ORMDL2: variants seen among roughly 807,000 people sequenced by gnomAD.
The protein encoded by ORMDL2 is ORM1-like protein 2.
In ORMDL2, 11 loss-of-function variants were observed where a neutral mutation model predicts 13.5. That is an observed-to-expected ratio of 0.82 (90% CI 0.51 to 1.35). The LOEUF (loss-of-function observed/expected upper bound fraction) is 1.35. ORMDL2 is among the 40% of genes most tolerant of loss of function. ORMDL2 has a pLI of 0.00. For synonymous variants in ORMDL2, 73 were observed against 76.5 expected, an observed-to-expected ratio of 0.95 and a Z score of 0.24; for missense variants, 160 against 191.1, an observed-to-expected ratio of 0.84 and a Z score of 0.96.
In ORMDL2 at chr12:55,819,155, C is replaced by T; in HGVS notation, c.156C>T (p.Thr52=). 1 of 1,614,026 alleles carries T rather than the reference C, an allele frequency of 6.2e-7. No homozygotes were observed. The highest frequency in any genetic ancestry group is 8.5e-7 in the Non-Finnish European group (1 of 1,179,920). The change falls in exon 2 of 4, where the codon ACC becomes ACT. Residue 52 remains threonine, a synonymous_variant. Transcript: ENST00000243045. Reference sequence around the variant, plus strand: ...GCATTCCTGTTGTCTGGACCCTGACCAACGTCATCCATAACCTGGTGAGCA... The same window carrying T: ...GCATTCCTGTTGTCTGGACCCTGACTAACGTCATCCATAACCTGGTGAGCA... ...FFSIPVVWTL[T]NVIHNLATYV... is the part of the protein sequence containing the mutation.
Position 55,819,374 on chromosome 12 carries a change from G to A in ORMDL2, c.207G>A (p.Gly69=). ...ATGTCTTCCTTCATACGGTGAAAGG[G>A]ACACCCTTTGAGACTCCTGACCAAG... The part of the protein sequence containing the change: ...ATYVFLHTVK[G]TPFETPDQGK... The change falls in exon 3 of 4, where the codon GGG becomes GGA. Residue 69 remains glycine, a synonymous_variant. Transcript: ENST00000243045. 1 of 1,614,120 alleles carries A rather than the reference G, an allele frequency of 6.2e-7. No individual in the cohort carries two copies. Among genetic ancestry groups the A allele is most frequent in the South Asian group, 1.1e-5 (1 of 91,076 alleles).
At chr12:55,820,231 T>C (rs1880629998) in intron 3 of ORMDL2, 29 bp from the exon 4 acceptor site, 1 of 1,593,512 alleles carries the variant, frequency 6.3e-7, no homozygotes, top group Non-Finnish European at 8.6e-7. Flanking sequence ...AAGGTCAACC[T>C]CACTCACCCT....
At chr12:55,820,143 TATGAATAGCCACTGCACTCCAAC>T in intron 3 of ORMDL2, 94 bp from the exon 4 acceptor site, 1 of 923,662 alleles carries the variant, frequency 1.1e-6, no homozygotes, top group Non-Finnish European at 1.7e-6. Flanking sequence ...GTATCACACT[TATGAATAGCCACTGCACTCCAAC>T]CTGGGAAACA....
Position 55,820,596 on chromosome 12 carries a change from G to C in ORMDL2, c.*201G>C. 1 of 609,148 alleles carries C rather than the reference G, an allele frequency of 1.6e-6. No individual in the cohort carries two copies. The allele number at this position is 609,148 out of a possible 1,614,324, so 37.7% of individuals were successfully genotyped here. A position where few individuals can be genotyped will look rare whatever the true frequency, so the allele number is the denominator to read the frequency against. ...AGTCCTGCTAGTGGCAAGTTTCTTTGAATCAGGAAGGCAGGTGAGGTAAGG... is the reference window on the plus strand; with the variant it reads ...AGTCCTGCTAGTGGCAAGTTTCTTTCAATCAGGAAGGCAGGTGAGGTAAGG... On this transcript the variant is annotated 3_prime_UTR_variant, in exon 4 of 4. Transcript: ENST00000243045.
intron 3 of ORMDL2, 37 bp from the exon 4 acceptor site, chr12:55,820,223 G>T (rs776543994): frequency 1.3e-5 from 20 of 1,587,574 alleles, no homozygotes; most frequent in Non-Finnish European, 1.6e-5. Flanking sequence ...GGATAGAGAA[G>T]GTCAACCTCA....
chr12:55,820,194 T>TAA, intron 3 of ORMDL2, 66 bp from the exon 4 acceptor site: 144 of 1,193,626 alleles, frequency 1.2e-4, no homozygotes, highest in East Asian at 1.6e-4. Context: ...AACTGTCTCT[T>TAA]AAAAAAAAAA....
chr12:55,820,190 C>T lies in ORMDL2; in HGVS notation c.327-70C>T. On this transcript the variant is annotated intron_variant, in intron 3 of 3. Coordinates refer to ENST00000243045, the MANE Select transcript of ORMDL2 (RefSeq NM_014182.5). ...ACCTGGGAAACATGGTGAGAACTGT[C>T]TCTTAAAAAAAAAAAAGAATATGGA... 8 of 1,425,432 alleles carry T rather than the reference C, an allele frequency of 5.6e-6. No homozygotes were observed. In the South Asian group the frequency reaches 1.0e-4, roughly 18 times the overall value. The allele number at this position is 1,425,432 out of a possible 1,614,324, so 88.3% of individuals were successfully genotyped here.
intron 1 of ORMDL2, 69 bp downstream of exon 1, chr12:55,818,181 G>T (rs1220338343): frequency 8.9e-6 from 4 of 451,382 alleles, no homozygotes; most frequent in Admixed American, 4.8e-5. Flanking sequence ...CGCCGAGGGA[G>T]TGGTGACCTA....
intron 1 of ORMDL2, 115 bp from the exon 2 acceptor site, chr12:55,818,884 C>A (rs1368768077): frequency 1.2e-6 from 1 of 851,056 alleles, no homozygotes; most frequent in Non-Finnish European, 1.8e-6. Context: ...GTAAGTTCTT[C>A]ATTCCCAATA....
chr12:55,818,045 C>T lies in ORMDL2; in HGVS notation c.-69C>T, dbSNP rs747885516. The T allele has an allele frequency of 9.4e-5, 54 of 572,334 alleles. No individual in the cohort carries two copies. Among genetic ancestry groups the T allele is most frequent in the Non-Finnish European group, 1.6e-4 (47 of 303,192 alleles). 35.5% of individuals were successfully genotyped at this position (572,334 alleles called of 1,614,324 possible). ...GAAAGGGGCAGAAGGAGAGGCGTTA[C>T]TTCCTGGAGACTTCAGGTGTGGTAG... On this transcript the variant is annotated 5_prime_UTR_variant, in exon 1 of 4. Transcript: ENST00000243045.
chr12:55,819,418 C>T lies in ORMDL2; in HGVS notation c.251C>T (p.Thr84Ile). 1 of 1,614,090 alleles carries T rather than the reference C, an allele frequency of 6.2e-7. No homozygotes were observed. The highest frequency in any genetic ancestry group is 8.5e-7 in the Non-Finnish European group (1 of 1,179,962). The change falls in exon 3 of 4, where the codon ACA (threonine) becomes ATA (isoleucine). Residue 84 changes from threonine (T) to isoleucine (I), a missense_variant. By Grantham distance (89) the Thr-to-Ile change is moderately conservative (BLOSUM62 -1). Coordinates refer to ENST00000243045, the MANE Select transcript of ORMDL2 (RefSeq NM_014182.5). ...TPDQGKARLL[T>I]HWEQMDYGLQ... ...GACCAAGGAAAGGCTCGGCTACTGA[C>T]ACACTGGGAGCAAATGGACTATGGG...
chr12:55,821,726 G>A lies in ORMDL2; in HGVS notation c.*1331G>A, dbSNP rs1880670773. The A allele has an allele frequency of 3.5e-6, 1 of 287,848 alleles. No homozygotes were observed. Among genetic ancestry groups the A allele is most frequent in the Non-Finnish European group, 6.4e-6 (1 of 155,874 alleles). 17.8% of individuals were successfully genotyped at this position (287,848 alleles called of 1,614,324 possible). On this transcript the variant is annotated 3_prime_UTR_variant, in exon 4 of 4. Coordinates refer to ENST00000243045, the MANE Select transcript of ORMDL2 (RefSeq NM_014182.5). ...AATTAGCTGGGCCAGGTGTGGTGGT[G>A]TGTGCCTGTAATCCCAGCTACTCAG...
rs1209426278 is a variant in ORMDL2 at position 55,821,365 on chromosome 12, GA to G, written c.*972del. The G allele has an allele frequency of 4.6e-5, 7 of 152,764 alleles. No individual in the cohort carries two copies. Among genetic ancestry groups the G allele is most frequent in the Middle Eastern group, 3.4e-3 (1 of 294 alleles). The allele number at this position is 152,764 out of a possible 1,614,324, so 9.5% of individuals were successfully genotyped here. A position where few individuals can be genotyped will look rare whatever the true frequency, so the allele number is the denominator to read the frequency against. On this transcript the variant is annotated 3_prime_UTR_variant, in exon 4 of 4. Coordinates refer to ENST00000243045, the MANE Select transcript of ORMDL2 (RefSeq NM_014182.5). ...CTCCCTCCTGAAATGGGTCAAGAAA[GA>G]AGATAGACTTGTAGCTTTAAAAGGG... is the stretch of plus-strand genomic sequence containing the variant.
At chr12:55,818,317 C>G in intron 1 of ORMDL2, 1 of 333,720 alleles carries the variant, frequency 3.0e-6, no homozygotes, top group South Asian at 2.2e-5. Context: ...GAGCCGCTTC[C>G]TAACCAGACA....
rs757759441 is a variant in ORMDL2 at position 55,819,413 on chromosome 12, A to G, written c.246A>G (p.Leu82=). Reference sequence around the variant, plus strand: ...CTCCTGACCAAGGAAAGGCTCGGCTACTGACACACTGGGAGCAAATGGACT... The same window carrying G: ...CTCCTGACCAAGGAAAGGCTCGGCTGCTGACACACTGGGAGCAAATGGACT... ...FETPDQGKAR[L]LTHWEQMDYG... is the part of the protein sequence containing the mutation. The change falls in exon 3 of 4, where the codon CTA becomes CTG. Residue 82 remains leucine (L), a synonymous_variant. Transcript: ENST00000243045. 17 of 1,614,106 alleles carry G rather than the reference A, an allele frequency of 1.1e-5. No individual in the cohort carries two copies. Among genetic ancestry groups the G allele is most frequent in the East Asian group, 2.2e-5 (1 of 44,886 alleles).
Position 55,818,793 on chromosome 12 carries a change from A to G in ORMDL2, c.-1-206A>G, listed in dbSNP as rs961229128. On this transcript the variant is annotated intron_variant, in intron 1 of 3. Transcript: ENST00000243045. ...TGTAAAGATCAGAGCAATAATGACT[A>G]TGTCTCTGAAATGTAGTGAGGACTC... 80 of 565,836 alleles carry G rather than the reference A, an allele frequency of 1.4e-4. 1 individual carries two copies. Among genetic ancestry groups the G allele is most frequent in the African/African-American group, 1.3e-3 (69 of 53,568 alleles). 35.1% of individuals were successfully genotyped at this position (565,836 alleles called of 1,614,324 possible).
chr12:55,818,669 GTTA>G (rs1880579364), intron 1 of ORMDL2: 1 of 269,582 alleles, frequency 3.7e-6, no homozygotes, highest in South Asian at 6.3e-5. Context: ...CCTCTTCATG[GTTA>G]TTAACTTCTT....
Position 55,821,830 on chromosome 12 carries a change from TG to T in ORMDL2, c.*1438del. Reference sequence around the variant, plus strand: ...TGAGATCACACCACTGCACTCCAGCTGGGCAACAGAGCAAGACTCCATCTCA... The same window carrying T: ...TGAGATCACACCACTGCACTCCAGCTGGCAACAGAGCAAGACTCCATCTCA... On this transcript the variant is annotated 3_prime_UTR_variant, in exon 4 of 4. Coordinates refer to ENST00000243045, the MANE Select transcript of ORMDL2 (RefSeq NM_014182.5). The T allele has an allele frequency of 1.2e-6, 1 of 861,902 alleles. No homozygotes were observed. The highest frequency in any genetic ancestry group is 1.7e-6 in the Non-Finnish European group (1 of 588,460). 53.4% of individuals were successfully genotyped at this position (861,902 alleles called of 1,614,324 possible).
chr12:55,820,668 T>G lies in ORMDL2; in HGVS notation c.*273T>G. On this transcript the variant is annotated 3_prime_UTR_variant, in exon 4 of 4. Transcript: ENST00000243045. ...GCAGGAAGCCATTTGGGCAGCTTCTTTGGTGATTACATCTTTCCATATCTT... is the reference window on the plus strand; with the variant it reads ...GCAGGAAGCCATTTGGGCAGCTTCTGTGGTGATTACATCTTTCCATATCTT... The G allele has an allele frequency of 4.4e-6, 2 of 451,508 alleles. No homozygotes were observed. The highest frequency in any genetic ancestry group is 8.2e-6 in the Non-Finnish European group (2 of 245,186). 28.0% of individuals were successfully genotyped at this position (451,508 alleles called of 1,614,324 possible). A position where few individuals can be genotyped will look rare whatever the true frequency, so the allele number is the denominator to read the frequency against.
Sources: allele counts gnomAD v4.1 joint callset, GRCh38; gene constraint gnomAD v4.1.1; transcripts MANE v1.5; gene names NCBI Gene and HGNC (gene_info 2026-07-23, HGNC 2026-07-21).